The following TBX4 variants were observed in gnomAD, a reference collection of about 807,000 sequenced individuals.
The protein encoded by TBX4 is T-box transcription factor 4, also known as T-box transcription factor TBX4.
In TBX4, 13 loss-of-function variants were observed where a neutral mutation model predicts 54.6. The ratio of observed to expected loss-of-function variants is 0.24; its 90% CI spans 0.15 to 0.38. The LOEUF (loss-of-function observed/expected upper bound fraction) is 0.38. Ranked by LOEUF, TBX4 falls within the 10% of genes least tolerant of loss-of-function variation. The pLI, the probability that TBX4 is intolerant of heterozygous loss-of-function variation, is 1.00. For synonymous variants in TBX4, 314 were observed against 306.7 expected, an observed-to-expected ratio of 1.02 and a Z score of -0.25; for missense variants, 631 against 728.5, an observed-to-expected ratio of 0.87 and a Z score of 1.54.
rs1352603230 is a variant in TBX4, at chr17:61,484,482, T to C, written c.*966T>C. The C allele has an allele frequency of 6.6e-6, 1 of 152,160 alleles. No individual in the cohort carries two copies. The highest frequency in any genetic ancestry group is 1.5e-5 in the Non-Finnish European group (1 of 68,040). 9.4% of individuals were successfully genotyped at this position (152,160 alleles called of 1,614,324 possible). On this transcript the variant is annotated 3_prime_UTR_variant, in exon 9 of 9. Coordinates refer to ENST00000644296, the MANE Select transcript of TBX4 (RefSeq NM_001321120.2). This position sits in a 1 kb window ranked among gnomAD's most constrained non-coding sequence, Gnocchi z 4.1. ...TGTCTGGCATCTCCAGGGCCTGTTC[T>C]GCTCTCAGAAAATCTACGCTTCTGG...
Position 61,478,839 on chromosome 17 carries a change from AC to A in TBX4, c.702+62del. ...TTAACACCACCCTGCGTTCTCTTCC[AC>A]CAGGCAGAGAGGCAGAGTGTGAAGC... On this transcript the variant is annotated intron_variant, in intron 6 of 8. Coordinates refer to ENST00000644296, the MANE Select transcript of TBX4 (RefSeq NM_001321120.2). The surrounding 1 kb of genome is among the most constrained non-coding windows in gnomAD (Gnocchi z 7.4). 1.2e-6 allele frequency: 2 copies of A among 1,611,226 alleles called. No individual in the cohort carries two copies. Among genetic ancestry groups the A allele is most frequent in the South Asian group, 2.2e-5 (2 of 90,986 alleles).
In TBX4 at chr17:61,480,969, C is replaced by T. The variant is rs569415836; in HGVS notation, c.1021+650C>T. Among the ~76,000 whole-genome samples the T allele has an allele frequency of 6.6e-6, 1 of 152,280 alleles. No individual in the cohort carries two copies. The highest frequency in any genetic ancestry group is 2.4e-5 in the African/African-American group (1 of 41,552). ...CTCCATGGATAGAATTGCAATGATT[C>T]GTGTTACTCCACCAGAAGACCTCAT... On this transcript the variant is annotated intron_variant, in intron 8 of 8. Coordinates refer to ENST00000644296, the MANE Select transcript of TBX4 (RefSeq NM_001321120.2). The surrounding 1 kb of genome is among the most constrained non-coding windows in gnomAD (Gnocchi z 6.2).
rs780352565 is a variant in TBX4 at position 61,465,969 on chromosome 17, T to C, written c.401+31T>C. 6.8e-6 allele frequency: 11 copies of C among 1,612,770 alleles called. No homozygotes were observed. The highest frequency in any genetic ancestry group is 7.6e-6 in the Non-Finnish European group (9 of 1,179,144). Reference sequence around the variant, plus strand: ...TGGACCCTGACCGCATCACCCACGTTCCCTCAACTGCCCACTTGCCACGCC... The same window carrying C: ...TGGACCCTGACCGCATCACCCACGTCCCCTCAACTGCCCACTTGCCACGCC... On this transcript the variant is annotated intron_variant, in intron 4 of 8. Transcript: ENST00000644296. This position sits in a 1 kb window ranked among gnomAD's most constrained non-coding sequence, Gnocchi z 4.9.
chr17:61,453,424 T>G (rs1157024328), intron 1 of TBX4, among the ~76,000 whole-genome samples: 2 of 152,168 alleles, frequency 1.3e-5, no homozygotes, highest in Non-Finnish European at 1.5e-5. Flanking sequence ...TAATGTATTA[T>G]TGATACTACA....
rs752674883 is a variant in TBX4 at position 61,479,995 on chromosome 17, G to C, written c.791+26G>C. ...GTGGGGCTGCGTAGCCTGGGGGTGG[G>C]GCGGGCAGATGGGATTCAGGCACGT... is the stretch of plus-strand genomic sequence containing the variant. On this transcript the variant is annotated intron_variant, in intron 7 of 8. Transcript: ENST00000644296. This position sits in a 1 kb window ranked among gnomAD's most constrained non-coding sequence, Gnocchi z 6.1. The C allele has an allele frequency of 1.9e-6, 3 of 1,613,858 alleles. No homozygotes were observed. The highest frequency in any genetic ancestry group is 2.5e-6 in the Non-Finnish European group (3 of 1,179,810).
Position 61,459,067 on chromosome 17 carries a change from T to C in TBX4, c.281+1436T>C, listed in dbSNP as rs746019952. ...TCAGGGCCTCTATCAGGAGAGAAAG[T>C]AGGTTTAGTTTAGGGCTTGAGCTTG... On this transcript the variant is annotated intron_variant, in intron 3 of 8. Coordinates refer to ENST00000644296, the MANE Select transcript of TBX4 (RefSeq NM_001321120.2). The surrounding 1 kb of genome is among the most constrained non-coding windows in gnomAD (Gnocchi z 4.8). Among the ~76,000 whole-genome samples the C allele has an allele frequency of 1.3e-5, 2 of 152,194 alleles. No individual in the cohort carries two copies. The highest frequency in any genetic ancestry group is 2.4e-5 in the African/African-American group (1 of 41,444).
chr17:61,483,586 C>A lies in TBX4; in HGVS notation c.*70C>A, dbSNP rs1226885013. ...TTAACCTCTGTGGGTGGCCTGCACT[C>A]TACCAAGAAACACAGGAAGGTATTC... is the stretch of plus-strand genomic sequence containing the variant. On this transcript the variant is annotated 3_prime_UTR_variant, in exon 9 of 9. Coordinates refer to ENST00000644296, the MANE Select transcript of TBX4 (RefSeq NM_001321120.2). The surrounding 1 kb of genome is among the most constrained non-coding windows in gnomAD (Gnocchi z 6.6). 20 of 1,582,030 alleles carry A rather than the reference C, an allele frequency of 1.3e-5. No individual in the cohort carries two copies. Among genetic ancestry groups the A allele is most frequent in the Non-Finnish European group, 1.6e-5 (19 of 1,157,922 alleles).
At chr17:61,470,307 G>A (rs968626581) in intron 5 of TBX4, among the ~76,000 whole-genome samples, 7 of 152,210 alleles carry the variant, frequency 4.6e-5, no homozygotes, top group Non-Finnish European at 7.3e-5. Flanking sequence ...CGGGGAGGGG[G>A]TGTGGAACAA....
rs746949679 is a variant in TBX4 at position 61,481,799 on chromosome 17, C to G, written c.1022-1098C>G. ...GTCCTTGTTTTGAGACGGAGTCTCTCTCTGTCTCCCAGGCTGGAGTGCAAT... is the reference window on the plus strand; with the variant it reads ...GTCCTTGTTTTGAGACGGAGTCTCTGTCTGTCTCCCAGGCTGGAGTGCAAT... On this transcript the variant is annotated intron_variant, in intron 8 of 8. Coordinates refer to ENST00000644296, the MANE Select transcript of TBX4 (RefSeq NM_001321120.2). This position sits in a 1 kb window ranked among gnomAD's most constrained non-coding sequence, Gnocchi z 4.8. 4.6e-5 allele frequency: 7 copies of G among 152,420 alleles called. No homozygotes were observed. The highest frequency in any genetic ancestry group is 7.3e-5 in the Non-Finnish European group (5 of 68,100). 9.4% of individuals were successfully genotyped at this position (152,420 alleles called of 1,614,324 possible).
rs1457957074 is a variant in TBX4, at chr17:61,478,225, G to A, written c.550-402G>A. 3.4e-6 allele frequency: 1 copy of A among 297,562 alleles called. No individual in the cohort carries two copies. Among genetic ancestry groups the A allele is most frequent in the East Asian group, 8.3e-5 (1 of 12,008 alleles). 18.4% of individuals were successfully genotyped at this position (297,562 alleles called of 1,614,324 possible). A position where few individuals can be genotyped will look rare whatever the true frequency, so the allele number is the denominator to read the frequency against. On this transcript the variant is annotated intron_variant, in intron 5 of 8. Coordinates refer to ENST00000644296, the MANE Select transcript of TBX4 (RefSeq NM_001321120.2). This position sits in a 1 kb window ranked among gnomAD's most constrained non-coding sequence, Gnocchi z 7.4. ...AAACTGAGGCACAGAGAAGCCCAGT[G>A]ACTTGTCTGAGATCAAACAGTGACT...
chr17:61,458,178 G>T (rs996556783), intron 3 of TBX4, among the ~76,000 whole-genome samples: 1 of 152,044 alleles, frequency 6.6e-6, no homozygotes, highest in South Asian at 2.1e-4. Flanking sequence ...GTTGTTGGGG[G>T]AGCGGCTCTC....
Position 61,478,331 on chromosome 17 carries a change from G to A in TBX4, c.550-296G>A. On this transcript the variant is annotated intron_variant, in intron 5 of 8. Transcript: ENST00000644296. This position sits in a 1 kb window ranked among gnomAD's most constrained non-coding sequence, Gnocchi z 7.4. ...TGAGTTCACAGTGGGCTTTGACAGT[G>A]TTAAGGGCTGACTCAAGTTCTCCAT... The A allele has an allele frequency of 2.6e-5, 12 of 466,342 alleles. No individual in the cohort carries two copies. The highest frequency in any genetic ancestry group is 2.5e-4 in the South Asian group (12 of 48,194). 28.9% of individuals were successfully genotyped at this position (466,342 alleles called of 1,614,324 possible).
rs150233337 is a variant in TBX4 at position 61,480,283 on chromosome 17, G to A, written c.985G>A (p.Asp329Asn). 1 of 1,613,932 alleles carries A rather than the reference G, an allele frequency of 6.2e-7. No individual in the cohort carries two copies. Among genetic ancestry groups the A allele is most frequent in the Non-Finnish European group, 8.5e-7 (1 of 1,179,984 alleles). The change falls in exon 8 of 9, where the codon GAC (aspartate) becomes AAC (asparagine). Residue 329 changes from aspartate (D) to asparagine (N), a missense_variant. Physicochemically the swap from Asp to Asn is conservative, Grantham distance 23. Transcript: ENST00000644296. This position sits in a 1 kb window ranked among gnomAD's most constrained non-coding sequence, Gnocchi z 6.2. ...CCTCAGCACCTTTCCCACCCAGAGG[G>A]ACTCAAGCCTCTTCTATCACTGCCT... ...LPLSTFPTQR[D>N]SSLFYHCLKR...
chr17:61,454,916 G>T (rs1050559662), intron 1 of TBX4, among the ~76,000 whole-genome samples: 1 of 152,212 alleles, frequency 6.6e-6, no homozygotes, highest in African/African-American at 2.4e-5. Flanking sequence ...AGCCGATCCC[G>T]CCGGGGCCCT....
At position 61,474,303 on chromosome 17, in the gene TBX4, G is replaced by A. The variant is rs1163158195; in HGVS notation, c.550-4324G>A. ...CCCAAGTCCCTTACAGTGTTTAATT[G>A]GCACCTTCTCATTAACTCTGAGCTT... On this transcript the variant is annotated intron_variant, in intron 5 of 8. Transcript: ENST00000644296. The surrounding 1 kb of genome is among the most constrained non-coding windows in gnomAD (Gnocchi z 4.6). Among the ~76,000 whole-genome samples, 2 of 152,126 alleles carry A rather than the reference G, an allele frequency of 1.3e-5. No individual in the cohort carries two copies. The highest frequency in any genetic ancestry group is 2.9e-5 in the Non-Finnish European group (2 of 68,022).
At position 61,457,542 on chromosome 17, in the gene TBX4, C is replaced by T. The variant is rs1356955320; in HGVS notation, c.192C>T (p.Ile64=). 4 of 1,613,854 alleles carry T rather than the reference C, an allele frequency of 2.5e-6. No individual in the cohort carries two copies. Among genetic ancestry groups the T allele is most frequent in the Non-Finnish European group, 3.4e-6 (4 of 1,179,908 alleles). The part of the protein sequence containing the change: ...VVAAAAAEQT[I]ENIKVGLHEK... ...TCTCTCCCTCCCATCCCCAGACCATCGAGAACATCAAGGTGGGGCTGCATG... is the reference window on the plus strand; with the variant it reads ...TCTCTCCCTCCCATCCCCAGACCATTGAGAACATCAAGGTGGGGCTGCATG... The change falls in exon 3 of 9, where the codon ATC becomes ATT. Residue 64 remains isoleucine (I), a synonymous_variant. Coordinates refer to ENST00000644296, the MANE Select transcript of TBX4 (RefSeq NM_001321120.2). The surrounding 1 kb of genome is among the most constrained non-coding windows in gnomAD (Gnocchi z 8.2).
rs78404967 is a variant in TBX4 at position 61,480,387 on chromosome 17, C to G, written c.1021+68C>G. The G allele has an allele frequency of 1.7e-6, 2 of 1,206,440 alleles. No homozygotes were observed. Among genetic ancestry groups the G allele is most frequent in the Admixed American group, 4.0e-5 (2 of 50,106 alleles). 74.7% of individuals were successfully genotyped at this position (1,206,440 alleles called of 1,614,324 possible). Reference sequence around the variant, plus strand: ...CGGTGAGGTTCTCCCCGAAACCACTCTGCAGCGCCCCCCCCCCCAACACAC... The same window carrying G: ...CGGTGAGGTTCTCCCCGAAACCACTGTGCAGCGCCCCCCCCCCCAACACAC... On this transcript the variant is annotated intron_variant, in intron 8 of 8. Coordinates refer to ENST00000644296, the MANE Select transcript of TBX4 (RefSeq NM_001321120.2). The surrounding 1 kb of genome is among the most constrained non-coding windows in gnomAD (Gnocchi z 6.2).
At position 61,457,716 on chromosome 17, in the gene TBX4, G is replaced by A. The variant is rs372729498; in HGVS notation, c.281+85G>A. 2.3e-6 allele frequency: 3 copies of A among 1,313,534 alleles called. No homozygotes were observed. Among genetic ancestry groups the A allele is most frequent in the Admixed American group, 1.9e-5 (1 of 52,692 alleles). 81.4% of individuals were successfully genotyped at this position (1,313,534 alleles called of 1,614,324 possible). A position where few individuals can be genotyped will look rare whatever the true frequency, so the allele number is the denominator to read the frequency against. Reference sequence around the variant, plus strand: ...GTCCCTTAGAAGTCCTCTCGGCCCCGGCCTGGTGGCCTGTGGGAGGCCTCT... The same window carrying A: ...GTCCCTTAGAAGTCCTCTCGGCCCCAGCCTGGTGGCCTGTGGGAGGCCTCT... On this transcript the variant is annotated intron_variant, in intron 3 of 8. Transcript: ENST00000644296. This position sits in a 1 kb window ranked among gnomAD's most constrained non-coding sequence, Gnocchi z 8.2.
intron 5 of TBX4, among the ~76,000 whole-genome samples, chr17:61,469,829 T>C (rs896732395): frequency 3.3e-5 from 5 of 152,206 alleles, no homozygotes; most frequent in South Asian, 2.1e-4. Context: ...TGAGCTCCCA[T>C]TGAAGGATGA....
Sources: allele counts gnomAD v4.1 joint callset (sites outside exome capture counted in the v4.1 genomes callset), GRCh38; gene constraint gnomAD v4.1.1; non-coding constraint Gnocchi (gnomAD v3.1); transcripts MANE v1.5; gene names NCBI Gene and HGNC (gene_info 2026-07-23, HGNC 2026-07-21).